Variants in CEP164 observed in about 807,000 individuals in gnomAD.
CEP164 encodes centrosomal protein of 164 kDa.
In CEP164, 162 loss-of-function variants were observed where a neutral mutation model predicts 182.7. That is an observed-to-expected ratio of 0.89 (90% confidence interval 0.78 to 1.01). CEP164 has a LOEUF of 1.01. CEP164 is among the 50% of genes least tolerant of loss of function. The probability of loss-of-function intolerance (pLI) is 0.00; values close to 1 mark genes in which losing one functional copy is unlikely to be tolerated. For missense variants in CEP164, 1,735 were observed against 1,790.4 expected (o/e 0.97, Z 0.56); for synonymous variants, 661 against 690.0 (o/e 0.96, Z 0.66).
chr11:117,368,823 C>T (rs1316277892), intron 8 of CEP164, among the ~76,000 whole-genome samples: 5 of 152,216 alleles, frequency 3.3e-5, no homozygotes, highest in African/African-American at 1.2e-4. Flanking sequence ...TCTCTTAGCC[C>T]AGTGGTCCTG....
In CEP164 at chr11:117,363,446, T is replaced by C. The variant is rs1316790259; in HGVS notation, c.705T>C (p.Ser235=). ...ESDNQSVHSS[S]EPLRNLHLDI... Reference sequence around the variant, plus strand: ...GTTTCTAGAGTGTCCACAGCTCAAGTGAGCCTCTTAGGAACCTACACCTGG... The same window carrying C: ...GTTTCTAGAGTGTCCACAGCTCAAGCGAGCCTCTTAGGAACCTACACCTGG... Residue 235 remains serine, a synonymous_variant, in exon 8 of 33, where the codon AGT becomes AGC. Coordinates refer to ENST00000278935, the MANE Select transcript of CEP164 (RefSeq NM_014956.5). 9.9e-6 allele frequency: 16 copies of C among 1,613,948 alleles called. No individual in the cohort carries two copies. The highest frequency in any genetic ancestry group is 1.2e-5 in the Non-Finnish European group (14 of 1,179,826).
In CEP164 at chr11:117,396,623, T is replaced by G; in HGVS notation, c.3278+12T>G. On this transcript the variant is annotated intron_variant, in intron 26 of 32. Transcript: ENST00000278935. ...TTATACTTGGACAGGTGAGTTCCCATAGCCTGTCTTATTTGAGGTTAGGGT... is the reference window on the plus strand; with the variant it reads ...TTATACTTGGACAGGTGAGTTCCCAGAGCCTGTCTTATTTGAGGTTAGGGT... 6.2e-7 allele frequency: 1 copy of G among 1,604,042 alleles called. No homozygotes were observed. The highest frequency in any genetic ancestry group is 1.1e-5 in the South Asian group (1 of 90,852).
chr11:117,396,112 GAAAAT>G lies in CEP164; in HGVS notation c.3151_3155del (p.Asn1051CysfsTer6). ...CCTGTTGAGAGAAGTGACAGTTGAG[GAAAAT>G]AATGCTTCCCCACATTTTGAGCCAG... is the stretch of plus-strand genomic sequence containing the variant. On this transcript the variant is annotated frameshift_variant, in exon 25 of 33. Transcript: ENST00000278935. LOFTEE classifies it high-confidence loss of function. 6.4e-7 allele frequency: 1 copy of G among 1,564,700 alleles called. No individual in the cohort carries two copies. Among genetic ancestry groups the G allele is most frequent in the Non-Finnish European group, 8.7e-7 (1 of 1,149,178 alleles).
intron 3 of CEP164, among the ~76,000 whole-genome samples, chr11:117,340,697 A>AT (rs141447255): frequency 2.2e-4 from 33 of 152,142 alleles, no homozygotes; most frequent in African/African-American, 7.9e-4. Context: ...ATTAAAATAA[A>AT]TTTTTTTGTA....
At chr11:117,390,667 A>C in intron 15 of CEP164, 110 bp from the exon 16 acceptor site, 3 of 1,363,396 alleles carry the variant, frequency 2.2e-6, no homozygotes, top group East Asian at 2.3e-5. Flanking sequence ...AGATTTAGGA[A>C]GTTTCTTAGG....
intron 4 of CEP164, among the ~76,000 whole-genome samples, chr11:117,346,399 C>T (rs1032379030): frequency 5.9e-5 from 9 of 152,058 alleles, no homozygotes; most frequent in South Asian, 2.1e-4. Context: ...GCTGGGATTA[C>T]GTGTGTGTGC....
Position 117,379,411 on chromosome 11 carries a change from C to T in CEP164, c.1318-1203C>T, listed in dbSNP as rs140900592. On this transcript the variant is annotated intron_variant, in intron 11 of 32. Coordinates refer to ENST00000278935, the MANE Select transcript of CEP164 (RefSeq NM_014956.5). Reference sequence around the variant, plus strand: ...GGGAAAGATGGAGTGAGCTGTCTCCCGCCCCACCTCTCCTGTTGACCCTGT... The same window carrying T: ...GGGAAAGATGGAGTGAGCTGTCTCCTGCCCCACCTCTCCTGTTGACCCTGT... 7.4e-4 allele frequency among the ~76,000 whole-genome samples: 112 copies of T among 152,292 alleles called. No individual in the cohort carries two copies. The East Asian group carries it at 0.016, about 22-fold the overall frequency.
At chr11:117,388,773 T>C (rs1463012768) in intron 15 of CEP164, among the ~76,000 whole-genome samples, 4 of 15,196 alleles carry the variant, frequency 2.6e-4, no homozygotes, top group Non-Finnish European at 9.0e-4. Flanking sequence ...TTTTCTCTCT[T>C]TTTTTTTTTT....
chr11:117,397,308 GAGA>G lies in CEP164; in HGVS notation c.3499_3501del (p.Lys1167del). ...CCTGGAAGATATGCGCAAGAACCTG[GAGA>G]AGGTCAGGAGCTTTGGGAAGGGCCT... On this transcript the variant is annotated inframe_deletion and splice_region_variant, in exon 27 of 33. Coordinates refer to ENST00000278935, the MANE Select transcript of CEP164 (RefSeq NM_014956.5). The G allele has an allele frequency of 6.2e-7, 1 of 1,611,636 alleles. No individual in the cohort carries two copies. The highest frequency in any genetic ancestry group is 2.2e-5 in the East Asian group (1 of 44,842).
rs57752392 is a variant in CEP164 at position 117,402,870 on chromosome 11, T to G, written c.3502-5055T>G. Among the ~76,000 whole-genome samples the G allele has an allele frequency of 2.2e-3, 336 of 152,366 alleles. 1 individual carries two copies. Among genetic ancestry groups the G allele is most frequent in the African/African-American group, 7.7e-3 (319 of 41,594 alleles). ...CTTGCTTTATGCATCTGGGTGCTCCTGGGTGCATATATATTTTGGATAGTT... is the reference window on the plus strand; with the variant it reads ...CTTGCTTTATGCATCTGGGTGCTCCGGGGTGCATATATATTTTGGATAGTT... On this transcript the variant is annotated intron_variant, in intron 27 of 32. Coordinates refer to ENST00000278935, the MANE Select transcript of CEP164 (RefSeq NM_014956.5).
upstream of CEP164, among the ~76,000 whole-genome samples, chr11:117,325,395 C>T (rs985124715): frequency 2.0e-5 from 3 of 149,404 alleles, no homozygotes; most frequent in Non-Finnish European, 4.4e-5. Context: ...CTACTTTTTT[C>T]TTTTTTTGAG....
In CEP164 at chr11:117,397,204, T is replaced by C. The variant is rs1317065002; in HGVS notation, c.3392T>C (p.Leu1131Pro). ...TRSMRRRQTALKAAQQHWRHE... is the reference protein window; with the variant it reads ...TRSMRRRQTAPKAAQQHWRHE... ...TCCATGCGGAGGCGGCAGACAGCTC[T>C]GAAAGCTGCCCAGCAGCATTGGCGC... Residue 1131 changes from leucine (L) to proline (P), a missense_variant, in exon 27 of 33, where the codon CTG (leucine) becomes CCG (proline). Transcript: ENST00000278935. The C allele has an allele frequency of 1.7e-5, 27 of 1,614,130 alleles. No homozygotes were observed. The Admixed American group carries it at 4.5e-4, about 27-fold the overall frequency.
chr11:117,347,471 G>A (rs2039049229), intron 4 of CEP164, among the ~76,000 whole-genome samples: 1 of 152,052 alleles, frequency 6.6e-6, no homozygotes, highest in African/African-American at 2.4e-5. Context: ...AGCACTTTGG[G>A]AGGTCGAGGT....
upstream of CEP164, among the ~76,000 whole-genome samples, chr11:117,325,800 G>A (rs755531453): frequency 2.6e-5 from 4 of 151,828 alleles, no homozygotes; most frequent in Non-Finnish European, 4.4e-5. Flanking sequence ...ACATGATGAC[G>A]TCAATCTAAA....
At chr11:117,397,352 G>A (rs1374967579) in intron 27 of CEP164, 39 bp downstream of exon 27, 2 of 1,568,220 alleles carry the variant, frequency 1.3e-6, no homozygotes, top group Middle Eastern at 2.3e-4. Context: ...CCCTGTGTGG[G>A]GGAGGCGGGG....
Position 117,380,604 on chromosome 11 carries a change from T to C in CEP164, c.1318-10T>C, listed in dbSNP as rs1565538706. The C allele has an allele frequency of 6.3e-7, 1 of 1,586,712 alleles. No individual in the cohort carries two copies. The highest frequency in any genetic ancestry group is 2.3e-5 in the East Asian group (1 of 43,846). On this transcript the variant is annotated splice_polypyrimidine_tract_variant and intron_variant, in intron 11 of 32. Transcript: ENST00000278935. ...TCCAACACAAACTTTTTATTGCTTCTCTCCTACAGGCCCAGCAACCACTGG... is the reference window on the plus strand; with the variant it reads ...TCCAACACAAACTTTTTATTGCTTCCCTCCTACAGGCCCAGCAACCACTGG...
At chr11:117,355,196 T>C in intron 5 of CEP164, 1 of 1,289,812 alleles carries the variant, frequency 7.8e-7, no homozygotes, top group Non-Finnish European at 1.0e-6. Flanking sequence ...GGAGAAAATC[T>C]TAGGCAGGGC....
chr11:117,332,573 C>CTA (rs1187746746), intron 1 of CEP164, among the ~76,000 whole-genome samples: 1 of 152,128 alleles, frequency 6.6e-6, no homozygotes, highest in Non-Finnish European at 1.5e-5. Flanking sequence ...CGAAACTCCT[C>CTA]TGTCTCAAAA....
Position 117,411,089 on chromosome 11 carries a change from G to A in CEP164, c.4163+195G>A, listed in dbSNP as rs947637121. On this transcript the variant is annotated intron_variant, in intron 31 of 32. Coordinates refer to ENST00000278935, the MANE Select transcript of CEP164 (RefSeq NM_014956.5). The surrounding 1 kb of genome is among the most constrained non-coding windows in gnomAD (Gnocchi z 4.4). ...CCCTCCATGACCAGGGGAAAGTCAA[G>A]TTCACACCGCCAAGGTCCCAGTGGG... 1.7e-6 allele frequency: 1 copy of A among 573,972 alleles called. No individual in the cohort carries two copies. Among genetic ancestry groups the A allele is most frequent in the Non-Finnish European group, 3.1e-6 (1 of 317,834 alleles). The allele number at this position is 573,972 out of a possible 1,614,324, so 35.6% of individuals were successfully genotyped here. A position where few individuals can be genotyped will look rare whatever the true frequency, so the allele number is the denominator to read the frequency against.
Sources: allele counts gnomAD v4.1 joint callset (sites outside exome capture counted in the v4.1 genomes callset), GRCh38; gene constraint gnomAD v4.1.1; non-coding constraint Gnocchi (gnomAD v3.1); transcripts MANE v1.5; gene names NCBI Gene and HGNC (gene_info 2026-07-23, HGNC 2026-07-21).